The following SNAP25 variants were observed in gnomAD, a reference collection of about 807,000 sequenced individuals.
SNAP25 encodes the protein synaptosomal-associated protein 25.
SNAP25 carries 3 observed loss-of-function variants against 28.7 expected under a neutral mutation model. The observed-to-expected ratio is 0.10, with a 90% CI of 0.05 to 0.27. The LOEUF (loss-of-function observed/expected upper bound fraction) is 0.27, where lower values mean the gene tolerates loss of function less well. SNAP25 is among the 10% of genes least tolerant of loss of function. The pLI, the probability that SNAP25 is intolerant of heterozygous loss-of-function variation, is 1.00. For synonymous variants in SNAP25, 61 were observed against 88.1 expected, an observed-to-expected ratio of 0.69 and a Z score of 1.72; for missense variants, 117 against 278.7, an observed-to-expected ratio of 0.42 and a Z score of 4.13.
At chr20:10,262,136 T>A (rs529310387) in intron 1 of SNAP25, among the ~76,000 whole-genome samples, 1 of 152,272 alleles carries the variant, frequency 6.6e-6, no homozygotes, top group East Asian at 1.9e-4. Context: ...GGAAGGATGA[T>A]ATCATGAAAT....
At chr20:10,233,798 T>C (rs988804319) in intron 1 of SNAP25, among the ~76,000 whole-genome samples, 3 of 152,220 alleles carry the variant, frequency 2.0e-5, no homozygotes, top group African/African-American at 7.2e-5. Flanking sequence ...CTGGTTTTCC[T>C]TCCTTTTTAT....
chr20:10,258,806 T>C (rs1336001599), intron 1 of SNAP25, among the ~76,000 whole-genome samples: 2 of 152,198 alleles, frequency 1.3e-5, no homozygotes, highest in East Asian at 1.9e-4. Flanking sequence ...TTTATCATCA[T>C]GTGGAGCTCT....
At chr20:10,265,038 C>A (rs2063484782) in intron 1 of SNAP25, among the ~76,000 whole-genome samples, 1 of 150,532 alleles carries the variant, frequency 6.6e-6, no homozygotes, top group East Asian at 2.0e-4. Context: ...CATCTGTTAT[C>A]CAGAAAATGG....
intron 1 of SNAP25, among the ~76,000 whole-genome samples, chr20:10,221,068 C>T (rs1021996602): frequency 2.0e-5 from 3 of 152,152 alleles, no homozygotes; most frequent in African/African-American, 7.2e-5. Context: ...AAATAAACAA[C>T]TGTGTTTTAG....
intron 4 of SNAP25, 101 bp downstream of exon 4, chr20:10,284,873 A>G (rs906438515): frequency 2.2e-6 from 2 of 891,948 alleles, no homozygotes; most frequent in Non-Finnish European, 3.7e-6. Context: ...CATGTGTTAC[A>G]CATGTACACG....
At chr20:10,242,787 G>A (rs886294610) in intron 1 of SNAP25, among the ~76,000 whole-genome samples, 2 of 152,178 alleles carry the variant, frequency 1.3e-5, no homozygotes, top group East Asian at 3.8e-4. Context: ...AGCTTCCCAG[G>A]AATAAGTTCA....
intron 1 of SNAP25, among the ~76,000 whole-genome samples, chr20:10,235,936 T>G (rs2062910896): frequency 6.6e-6 from 1 of 152,226 alleles, no homozygotes; most frequent in Non-Finnish European, 1.5e-5. Flanking sequence ...ACATTTGCTA[T>G]TATCTCATTA....
intron 1 of SNAP25, among the ~76,000 whole-genome samples, chr20:10,256,175 A>G (rs1481029564): frequency 6.6e-6 from 1 of 152,234 alleles, no homozygotes; most frequent in Non-Finnish European, 1.5e-5. Flanking sequence ...AGAAATAATA[A>G]TAGCTAAGAT....
chr20:10,305,247 GA>G (rs931715242), intron 7 of SNAP25, among the ~76,000 whole-genome samples: 2 of 151,862 alleles, frequency 1.3e-5, no homozygotes, highest in East Asian at 1.9e-4. Context: ...TGTATTTATT[GA>G]AAAAAAATCC....
chr20:10,240,436 ACAG>A (rs2063006155), intron 1 of SNAP25, among the ~76,000 whole-genome samples: 2 of 152,176 alleles, frequency 1.3e-5, no homozygotes, highest in African/African-American at 4.8e-5. Flanking sequence ...ATAGCTAATC[ACAG>A]AATGGCATCC....
intron 1 of SNAP25, among the ~76,000 whole-genome samples, chr20:10,257,402 C>G (rs2063336130): frequency 6.6e-6 from 1 of 152,146 alleles, no homozygotes; most frequent in African/African-American, 2.4e-5. Context: ...GAAACCCTGT[C>G]TCTACTACAA....
At chr20:10,290,951 T>G (rs1277398027) in intron 4 of SNAP25, among the ~76,000 whole-genome samples, 1 of 152,216 alleles carries the variant, frequency 6.6e-6, no homozygotes, top group Non-Finnish European at 1.5e-5. Flanking sequence ...ATATTTACCT[T>G]GATCTACAGA....
intron 1 of SNAP25, among the ~76,000 whole-genome samples, chr20:10,241,522 C>G (rs1212474738): frequency 6.6e-6 from 1 of 152,152 alleles, no homozygotes; most frequent in South Asian, 2.1e-4. Flanking sequence ...ATCAGTCAGA[C>G]AGATGGACAA....
intron 1 of SNAP25, among the ~76,000 whole-genome samples, chr20:10,239,220 A>T (rs1172707140): frequency 2.0e-5 from 3 of 152,230 alleles, no homozygotes; most frequent in Admixed American, 6.5e-5. Context: ...ATCCCATCTT[A>T]GATTCCAACT....
intron 3 of SNAP25, among the ~76,000 whole-genome samples, chr20:10,282,004 G>A (rs1188501172): frequency 1.3e-5 from 2 of 152,128 alleles, no homozygotes; most frequent in African/African-American, 4.8e-5. Context: ...CAGAAGTAAT[G>A]ACTCCCAGAT....
At chr20:10,229,676 G>A (rs963324627) in intron 1 of SNAP25, among the ~76,000 whole-genome samples, 6 of 152,112 alleles carry the variant, frequency 3.9e-5, no homozygotes, top group African/African-American at 1.4e-4. Context: ...TAGATATTAT[G>A]TTAGGCTATC....
chr20:10,219,551 G>T (rs376829705), intron 1 of SNAP25: 1 of 152,214 alleles, frequency 6.6e-6, no homozygotes, highest in Non-Finnish European at 1.5e-5. Context: ...CGGGCGGGTC[G>T]TGCCGGGTGG....
At chr20:10,285,365 A>C (rs1388392227) in intron 4 of SNAP25, among the ~76,000 whole-genome samples, 1 of 152,234 alleles carries the variant, frequency 6.6e-6, no homozygotes, top group Non-Finnish European at 1.5e-5. Context: ...TCAGAGAGCC[A>C]GCATTTTAAT....
At chr20:10,243,861 G>A (rs1029181948) in intron 1 of SNAP25, among the ~76,000 whole-genome samples, 3 of 151,782 alleles carry the variant, frequency 2.0e-5, no homozygotes, top group Non-Finnish European at 4.4e-5. Flanking sequence ...GTGTGTAGAG[G>A]TGGGTGGAAA....
Sources: gnomAD v4.1 joint callset for allele counts (sites outside exome capture counted in the v4.1 genomes callset) on GRCh38, gnomAD v4.1.1 for gene constraint, MANE v1.5 for transcripts, NCBI Gene and HGNC (gene_info 2026-07-23, HGNC 2026-07-21) for gene names.